Variants in CPNE4 observed in about 807,000 individuals in gnomAD.
CPNE4 encodes copine 4, also known as copine-4.
In CPNE4, 25 loss-of-function variants were observed where a neutral mutation model predicts 67.9. The observed-to-expected ratio is 0.37, with a 90% CI of 0.27 to 0.51. CPNE4 has a LOEUF of 0.51. Among genes scored for constraint, CPNE4 ranks in the 20% least tolerant of loss-of-function variants. The pLI is 0.93. For missense variants in CPNE4, 464 were observed against 690.8 expected (o/e 0.67, Z 3.68); for synonymous variants, 242 against 244.9 (o/e 0.99, Z 0.11).
rs1935013588 is a variant in CPNE4 at position 131,534,146 on chromosome 3, G to T, written c.*1049C>A. 1 of 152,222 alleles carries T rather than the reference G, an allele frequency of 6.6e-6. No homozygotes were observed. Among genetic ancestry groups the T allele is most frequent in the African/African-American group, 2.4e-5 (1 of 41,434 alleles). The allele number at this position is 152,222 out of a possible 1,614,324, so 9.4% of individuals were successfully genotyped here. ...GAAGACGCTTTGAGATCACTTCTAG[G>T]GATTGACACCATCCATGCAGTGGTG... On this transcript the variant is annotated 3_prime_UTR_variant, in exon 16 of 16. Coordinates refer to ENST00000429747, the MANE Select transcript of CPNE4 (RefSeq NM_130808.3).
intron 2 of CPNE4, among the ~76,000 whole-genome samples, chr3:131,742,080 G>A (rs1040488927): frequency 1.3e-5 from 2 of 152,124 alleles, no homozygotes; most frequent in African/African-American, 4.8e-5. Context: ...AGTTGACTGG[G>A]CTACAAAGTG....
chr3:132,021,294 G>T (rs1165699197), intron 1 of CPNE4, among the ~76,000 whole-genome samples: 1 of 152,146 alleles, frequency 6.6e-6, no homozygotes, highest in Non-Finnish European at 1.5e-5. Flanking sequence ...CATGCCACAA[G>T]TACTTACTGT....
At chr3:131,578,740 AC>A in intron 9 of CPNE4, among the ~76,000 whole-genome samples, 1 of 152,310 alleles carries the variant, frequency 6.6e-6, no homozygotes, top group African/African-American at 2.4e-5. Flanking sequence ...ACCAGATACA[AC>A]ATTCCCTTAA....
intron 7 of CPNE4, among the ~76,000 whole-genome samples, chr3:131,609,523 A>G (rs1939704085): frequency 6.6e-6 from 1 of 152,204 alleles, no homozygotes; most frequent in Non-Finnish European, 1.5e-5. Flanking sequence ...CAGGTGTTTA[A>G]AACCAGGATG....
intron 8 of CPNE4, among the ~76,000 whole-genome samples, chr3:131,581,956 T>A (rs1239724741): frequency 6.6e-6 from 1 of 152,214 alleles, no homozygotes; most frequent in African/African-American, 2.4e-5. Flanking sequence ...ATGGAGCTTA[T>A]AATTATACTC....
At chr3:131,544,849 C>G (rs781397215) in intron 14 of CPNE4, among the ~76,000 whole-genome samples, 1 of 152,154 alleles carries the variant, frequency 6.6e-6, no homozygotes, top group Non-Finnish European at 1.5e-5. Context: ...ACTTCTGTGT[C>G]TCCTACCTTT....
At chr3:131,939,709 C>A (rs1481541639) in intron 1 of CPNE4, among the ~76,000 whole-genome samples, 2 of 152,112 alleles carry the variant, frequency 1.3e-5, no homozygotes, top group African/African-American at 4.8e-5. Context: ...AAAGCACTTA[C>A]TCGGTGTCAG....
chr3:131,907,902 G>C (rs1583437489), intron 1 of CPNE4, among the ~76,000 whole-genome samples: 1 of 152,246 alleles, frequency 6.6e-6, no homozygotes, highest in Non-Finnish European at 1.5e-5. Context: ...TTTAGGATGA[G>C]AACTGCTCTA....
chr3:131,938,707 C>T (rs902359340), intron 1 of CPNE4, among the ~76,000 whole-genome samples: 4 of 152,032 alleles, frequency 2.6e-5, no homozygotes, highest in African/African-American at 7.2e-5. Context: ...ATTAGGAAAC[C>T]GGCATGGTGG....
chr3:131,879,983 C>T (rs1484126956), intron 2 of CPNE4, among the ~76,000 whole-genome samples: 1 of 152,002 alleles, frequency 6.6e-6, no homozygotes, highest in Admixed American at 6.6e-5. Flanking sequence ...CCCCTGAATC[C>T]CCTACCCAAA....
intron 1 of CPNE4, among the ~76,000 whole-genome samples, chr3:131,968,857 G>T (rs1208524929): frequency 6.6e-6 from 1 of 152,160 alleles, no homozygotes; most frequent in Non-Finnish European, 1.5e-5. Context: ...CAATTACTGG[G>T]TATATACCCA....
chr3:131,869,801 TTTTCA>T (rs1350959950), intron 2 of CPNE4, among the ~76,000 whole-genome samples: 4 of 152,200 alleles, frequency 2.6e-5, no homozygotes, highest in African/African-American at 7.2e-5. Flanking sequence ...TTCATACATA[TTTTCA>T]TTTATGTTTT....
chr3:131,964,009 C>A (rs955666153), intron 1 of CPNE4, among the ~76,000 whole-genome samples: 2 of 152,106 alleles, frequency 1.3e-5, no homozygotes, highest in African/African-American at 4.8e-5. Context: ...CCCTCTAGGA[C>A]AAAGCTTCCA....
chr3:131,975,030 T>C (rs578118743), intron 1 of CPNE4, among the ~76,000 whole-genome samples: 2 of 151,872 alleles, frequency 1.3e-5, no homozygotes, highest in East Asian at 3.9e-4. Context: ...AATAAATAAG[T>C]AAAGAGAAAT....
At chr3:131,583,014 AC>A (rs1937941279) in intron 8 of CPNE4, among the ~76,000 whole-genome samples, 1 of 152,164 alleles carries the variant, frequency 6.6e-6, no homozygotes. Flanking sequence ...GTTTCTCATC[AC>A]TGGAAGGTGC....
At chr3:131,687,806 A>G (rs2080931162) in intron 5 of CPNE4, among the ~76,000 whole-genome samples, 1 of 152,246 alleles carries the variant, frequency 6.6e-6, no homozygotes, top group African/African-American at 2.4e-5. Flanking sequence ...TAAGAAAAGT[A>G]TACAAATAAA....
chr3:131,808,295 C>T (rs190472147), intron 2 of CPNE4, among the ~76,000 whole-genome samples: 11 of 152,222 alleles, frequency 7.2e-5, no homozygotes, highest in African/African-American at 2.4e-4. Context: ...AATGTTAGAA[C>T]TCTCAGACAG....
At chr3:131,673,977 G>A (rs188343915) in intron 6 of CPNE4, among the ~76,000 whole-genome samples, 22 of 151,256 alleles carry the variant, frequency 1.5e-4, no homozygotes, top group African/African-American at 5.1e-4. Context: ...TTGTGTTGAC[G>A]TATGTTTCTT....
At chr3:131,997,867 G>C (rs2073334769) in intron 1 of CPNE4, among the ~76,000 whole-genome samples, 1 of 152,066 alleles carries the variant, frequency 6.6e-6, no homozygotes, top group South Asian at 2.1e-4. Flanking sequence ...AAGTTTTTGA[G>C]TCGGAGAGTG....
Sources: gnomAD v4.1 joint callset for allele counts (sites outside exome capture counted in the v4.1 genomes callset) on GRCh38, gnomAD v4.1.1 for gene constraint, MANE v1.5 for transcripts, NCBI Gene and HGNC (gene_info 2026-07-23, HGNC 2026-07-21) for gene names.